KALRN: variants seen among roughly 807,000 people sequenced by gnomAD.
KALRN encodes kalirin.
KALRN carries 70 observed loss-of-function variants against 353.7 expected under a neutral mutation model. That is an observed-to-expected ratio of 0.20 (90% confidence interval 0.16 to 0.24). The LOEUF is 0.24. KALRN is among the 10% of genes least tolerant of loss of function. The pLI, the probability that KALRN is intolerant of heterozygous loss-of-function variation, is 1.00. For missense variants in KALRN, 2,791 were observed against 3,756.7 expected, an observed-to-expected ratio of 0.74 and a Z score of 6.72; for synonymous variants, 1,391 against 1,434.8, an observed-to-expected ratio of 0.97 and a Z score of 0.69.
chr3:124,535,179 G>GT (rs200899149), intron 33 of KALRN, among the ~76,000 whole-genome samples: 1,525 of 147,434 alleles, frequency 0.01, 35 homozygotes, highest in African/African-American at 0.035. Context: ...CTATAAAGAA[G>GT]TTTTTTTTTT....
chr3:124,157,186 A>G (rs1578743566), intron 1 of KALRN, among the ~76,000 whole-genome samples: 1 of 152,226 alleles, frequency 6.6e-6, no homozygotes, highest in Non-Finnish European at 1.5e-5. Flanking sequence ...GCTGGAAGAC[A>G]ACTAAGGACT....
intron 23 of KALRN, among the ~76,000 whole-genome samples, chr3:124,461,132 T>C (rs76391165): frequency 6.6e-6 from 1 of 152,350 alleles, no homozygotes; most frequent in Non-Finnish European, 1.5e-5. Flanking sequence ...AAATTATCTT[T>C]TATATTTTTA....
At chr3:124,546,556 G>C (rs2069690521) in intron 33 of KALRN, among the ~76,000 whole-genome samples, 1 of 152,188 alleles carries the variant, frequency 6.6e-6, no homozygotes. Context: ...GAAGAGGGTT[G>C]TTGTGGAAGC....
intron 54 of KALRN, 42 bp downstream of exon 54, chr3:124,696,297 T>G: frequency 6.3e-7 from 1 of 1,594,028 alleles, no homozygotes; most frequent in African/African-American, 1.4e-5. Context: ...AATATATATA[T>G]ATTTTTAGAC....
intron 23 of KALRN, among the ~76,000 whole-genome samples, chr3:124,457,509 T>C (rs2059435638): frequency 6.6e-6 from 1 of 152,256 alleles, no homozygotes; most frequent in African/African-American, 2.4e-5. Flanking sequence ...CAGGTTTACC[T>C]TTCTGGAGTA....
At chr3:124,250,324 T>A (rs2070954862) in intron 3 of KALRN, among the ~76,000 whole-genome samples, 1 of 152,012 alleles carries the variant, frequency 6.6e-6, no homozygotes, top group Admixed American at 6.5e-5. Flanking sequence ...GGGGTTCCTG[T>A]GAGAGGGCAG....
intron 11 of KALRN, among the ~76,000 whole-genome samples, chr3:124,388,965 C>T (rs2088893808): frequency 6.6e-6 from 1 of 152,146 alleles, no homozygotes; most frequent in Non-Finnish European, 1.5e-5. Flanking sequence ...TTATTCAAGA[C>T]AGGATTAGTA....
rs2063401520 is a variant in KALRN, at chr3:124,724,959, G to T, written c.*5489G>T. 6.6e-6 allele frequency: 1 copy of T among 152,192 alleles called. No homozygotes were observed. The highest frequency in any genetic ancestry group is 1.5e-5 in the Non-Finnish European group (1 of 68,032). 9.4% of individuals were successfully genotyped at this position (152,192 alleles called of 1,614,324 possible). A position where few individuals can be genotyped will look rare whatever the true frequency, so the allele number is the denominator to read the frequency against. The stretch of plus-strand genomic sequence containing the variant: ...ATTTAGTTTTTATTCAAATGATCAA[G>T]ATAACGCATTAGTTAGATAACTGCT... On this transcript the variant is annotated 3_prime_UTR_variant, in exon 60 of 60. Coordinates refer to ENST00000682506, the MANE Select transcript of KALRN (RefSeq NM_001388419.1).
intron 10 of KALRN, among the ~76,000 whole-genome samples, chr3:124,355,506 C>T (rs987613): frequency 0.45 from 67,750 of 151,768 alleles, 16,022 homozygotes; most frequent in East Asian, 0.68. Flanking sequence ...GAAGGCTTCC[C>T]ATAGATGAAA....
intron 57 of KALRN, among the ~76,000 whole-genome samples, chr3:124,703,461 C>T (rs987772500): frequency 6.6e-6 from 1 of 151,998 alleles, no homozygotes; most frequent in Non-Finnish European, 1.5e-5. Context: ...TTAATCCATA[C>T]AACACTATGA....
chr3:124,451,907 C>T (rs1463878169), intron 21 of KALRN, among the ~76,000 whole-genome samples: 1 of 152,212 alleles, frequency 6.6e-6, no homozygotes, highest in Non-Finnish European at 1.5e-5. Context: ...TCTGTGATTT[C>T]ACTTCTACTC....
intron 33 of KALRN, among the ~76,000 whole-genome samples, chr3:124,561,179 A>G (rs980039435): frequency 2.6e-5 from 4 of 152,200 alleles, no homozygotes; most frequent in African/African-American, 9.6e-5. Flanking sequence ...CCATCCCACA[A>G]AATCCTTCTC....
chr3:124,697,674 G>A lies in KALRN; in HGVS notation c.7781G>A (p.Ser2594Asn). The change falls in exon 55 of 60, where the codon AGC becomes AAC. Residue 2594 changes from serine (S) to asparagine (N), a missense_variant. Ser to Asn is a conservative substitution (Grantham distance 46). This residue lies in a region of KALRN where 1,065 missense variants were observed against 1,156.4 expected (regional missense o/e 0.92). Transcript: ENST00000682506. ...SVILRWLPPS[S>N]TGNCTISGYT... is the part of the protein sequence containing the mutation. ...ATTCTCCGCTGGCTGCCCCCCTCCA[G>A]CACAGGAAACTGCACTATTTCTGGT... 6.2e-7 allele frequency: 1 copy of A among 1,603,840 alleles called. No homozygotes were observed. The highest frequency in any genetic ancestry group is 8.5e-7 in the Non-Finnish European group (1 of 1,174,844).
chr3:124,444,446 G>C (rs2093764511), intron 19 of KALRN, among the ~76,000 whole-genome samples: 2 of 152,134 alleles, frequency 1.3e-5, no homozygotes, highest in South Asian at 4.1e-4. Flanking sequence ...TTGCCTCTTT[G>C]GGAAGGAATG....
chr3:124,290,502 A>G (rs192925752), intron 5 of KALRN, among the ~76,000 whole-genome samples: 1 of 152,308 alleles, frequency 6.6e-6, no homozygotes, highest in African/African-American at 2.4e-5. Flanking sequence ...AAGTCTGGTG[A>G]TGAAGAGAAG....
At chr3:124,592,699 C>T (rs2075919118) in intron 34 of KALRN, among the ~76,000 whole-genome samples, 1 of 152,206 alleles carries the variant, frequency 6.6e-6, no homozygotes, top group African/African-American at 2.4e-5. Context: ...GTATCTTCCC[C>T]CTCCCTTGTA....
chr3:124,050,250 C>T (rs1054012331), intron 1 of KALRN, among the ~76,000 whole-genome samples: 13 of 152,166 alleles, frequency 8.5e-5, no homozygotes, highest in African/African-American at 2.4e-4. Flanking sequence ...GGTCAAAGAC[C>T]CTACATATGG....
intron 1 of KALRN, among the ~76,000 whole-genome samples, chr3:124,188,491 G>C (rs2074500021): frequency 6.6e-6 from 1 of 152,122 alleles, no homozygotes; most frequent in Non-Finnish European, 1.5e-5. Flanking sequence ...GACAGAAATT[G>C]GTGTCTAGCA....
At chr3:124,484,498 G>A (rs933670568) in intron 28 of KALRN, among the ~76,000 whole-genome samples, 1 of 152,222 alleles carries the variant, frequency 6.6e-6, no homozygotes, top group African/African-American at 2.4e-5. Flanking sequence ...GGACTAGTGT[G>A]AGAAAAGAGT....
Sources: gnomAD v4.1 joint callset for allele counts (sites outside exome capture counted in the v4.1 genomes callset) on GRCh38, gnomAD v4.1.1 for gene constraint, gnomAD v4.1.1 regional missense constraint, MANE v1.5 for transcripts, NCBI Gene and HGNC (gene_info 2026-07-23, HGNC 2026-07-21) for gene names.